Variants in OSBPL8 observed in about 807,000 individuals in gnomAD.
The protein encoded by OSBPL8 is oxysterol-binding protein-related protein 8.
Under a neutral mutation model 125.5 loss-of-function variants are expected in OSBPL8, and 59 were observed. The ratio of observed to expected loss-of-function variants is 0.47; its 90% CI spans 0.38 to 0.58. The LOEUF is 0.58. OSBPL8 is among the 20% of genes least tolerant of loss of function. The pLI is 0.00. For missense variants in OSBPL8, 758 were observed against 1,047.8 expected, an observed-to-expected ratio of 0.72 and a Z score of 3.82; for synonymous variants, 330 against 338.9, an observed-to-expected ratio of 0.97 and a Z score of 0.29.
intron 17 of OSBPL8, among the ~76,000 whole-genome samples, chr12:76,374,854 T>G (rs1326379087): frequency 6.6e-6 from 1 of 152,076 alleles, no homozygotes; most frequent in Non-Finnish European, 1.5e-5. Context: ...AGTTTTAGAG[T>G]AACTTATTAC....
intron 12 of OSBPL8, among the ~76,000 whole-genome samples, chr12:76,387,871 A>G (rs957454533): frequency 5.8e-4 from 88 of 152,304 alleles, no homozygotes; most frequent in African/African-American, 2.1e-3. Flanking sequence ...AGTCAAAGCA[A>G]TATAAAGAGG....
At chr12:76,459,722 CTTTAT>C (rs1015696496) in intron 3 of OSBPL8, 132 bp downstream of exon 3, 2 of 983,120 alleles carry the variant, frequency 2.0e-6, no homozygotes, top group Non-Finnish European at 3.0e-6. Flanking sequence ...ATATTCTTTA[CTTTAT>C]ATTTCAATTC....
intron 1 of OSBPL8, among the ~76,000 whole-genome samples, chr12:76,556,424 T>C (rs1228492330): frequency 1.3e-5 from 2 of 150,928 alleles, no homozygotes; most frequent in Non-Finnish European, 2.9e-5. Context: ...GAGAATTTTA[T>C]GACTTTGTGA....
intron 5 of OSBPL8, among the ~76,000 whole-genome samples, chr12:76,403,812 C>A (rs183031777): frequency 6.6e-6 from 1 of 152,214 alleles, no homozygotes; most frequent in South Asian, 2.1e-4. Flanking sequence ...CCTTTGTATA[C>A]AACTCCCTCA....
At chr12:76,512,395 A>G (rs551920390) in intron 1 of OSBPL8, among the ~76,000 whole-genome samples, 17 of 152,196 alleles carry the variant, frequency 1.1e-4, no homozygotes, top group South Asian at 4.2e-4. Context: ...GGTTGATTCC[A>G]TATCTTTGTT....
At chr12:76,558,778 A>G (rs1006323399) in intron 1 of OSBPL8, among the ~76,000 whole-genome samples, 2 of 152,210 alleles carry the variant, frequency 1.3e-5, no homozygotes, top group African/African-American at 4.8e-5. Flanking sequence ...ATGAACCTAA[A>G]GCATGCTGCC....
intron 2 of OSBPL8, among the ~76,000 whole-genome samples, chr12:76,471,862 C>T (rs1876177847): frequency 6.6e-6 from 1 of 152,222 alleles, no homozygotes; most frequent in Non-Finnish European, 1.5e-5. Flanking sequence ...CTTTTGCCTA[C>T]AATGCCATTC....
At chr12:76,536,755 T>A (rs1409437571) in intron 1 of OSBPL8, among the ~76,000 whole-genome samples, 1 of 149,166 alleles carries the variant, frequency 6.7e-6, no homozygotes, top group Non-Finnish European at 1.5e-5. Context: ...AAGGAGCAAG[T>A]CATATGTATG....
At chr12:76,494,804 T>C (rs1016586707) in intron 1 of OSBPL8, among the ~76,000 whole-genome samples, 2 of 152,166 alleles carry the variant, frequency 1.3e-5, no homozygotes, top group African/African-American at 4.8e-5. Flanking sequence ...CTATTTCATA[T>C]TCGTGTGGGC....
At chr12:76,489,873 G>T (rs1038456252) in intron 1 of OSBPL8, among the ~76,000 whole-genome samples, 34 of 152,326 alleles carry the variant, frequency 2.2e-4, no homozygotes, top group Non-Finnish European at 2.4e-4. Flanking sequence ...TAATGGAAAA[G>T]ATTCACCATT....
chr12:76,365,865 T>C (rs1441215064), intron 21 of OSBPL8, among the ~76,000 whole-genome samples: 5 of 152,248 alleles, frequency 3.3e-5, no homozygotes, highest in Admixed American at 6.5e-5. Flanking sequence ...CATGTGATTT[T>C]CCCCCCTCTT....
At chr12:76,514,366 T>C (rs992161391) in intron 1 of OSBPL8, among the ~76,000 whole-genome samples, 3 of 151,834 alleles carry the variant, frequency 2.0e-5, no homozygotes, top group African/African-American at 7.3e-5. Flanking sequence ...TTGGCCAGGC[T>C]GGTCTTGAAC....
At chr12:76,415,404 G>A (rs35191784) in intron 4 of OSBPL8, among the ~76,000 whole-genome samples, 1 of 151,488 alleles carries the variant, frequency 6.6e-6, no homozygotes, top group Non-Finnish European at 1.5e-5. Flanking sequence ...CATGCCACCA[G>A]GCCCAGCTAA....
chr12:76,467,653 C>T (rs1299260288), intron 2 of OSBPL8, among the ~76,000 whole-genome samples: 1 of 152,036 alleles, frequency 6.6e-6, no homozygotes, highest in Admixed American at 6.6e-5. Context: ...GCCTATTTCA[C>T]ATTCAGTCTT....
intron 1 of OSBPL8, among the ~76,000 whole-genome samples, chr12:76,516,987 T>A (rs1423111107): frequency 6.6e-6 from 1 of 152,090 alleles, no homozygotes; most frequent in African/African-American, 2.4e-5. Context: ...CTAATTTTTG[T>A]ATTTTTAGTA....
chr12:76,545,123 T>C (rs1188731052), intron 1 of OSBPL8, among the ~76,000 whole-genome samples: 2 of 152,160 alleles, frequency 1.3e-5, no homozygotes, highest in Non-Finnish European at 2.9e-5. Context: ...TTTGTGATAC[T>C]AGGTCGCATT....
intron 4 of OSBPL8, among the ~76,000 whole-genome samples, chr12:76,449,207 C>G (rs1307989243): frequency 6.6e-6 from 1 of 152,266 alleles, no homozygotes; most frequent in Middle Eastern, 3.4e-3. Context: ...TATACATTAA[C>G]TTTCAAAACA....
Position 76,351,937 on chromosome 12 carries a change from A to G in OSBPL8, c.*3952T>C, listed in dbSNP as rs1229771696. Reference sequence around the variant, plus strand: ...TAGATTAGAAATGTACTACATTACAAAACAGTGGCCTATAACTATCTGTAC... The same window carrying G: ...TAGATTAGAAATGTACTACATTACAGAACAGTGGCCTATAACTATCTGTAC... On this transcript the variant is annotated 3_prime_UTR_variant, in exon 24 of 24. Transcript: ENST00000261183. 2.0e-5 allele frequency: 3 copies of G among 152,256 alleles called. No homozygotes were observed. Among genetic ancestry groups the G allele is most frequent in the African/African-American group, 7.2e-5 (3 of 41,468 alleles). 9.4% of individuals were successfully genotyped at this position (152,256 alleles called of 1,614,324 possible).
At chr12:76,359,522 A>C (rs1025288766) in intron 21 of OSBPL8, among the ~76,000 whole-genome samples, 21 of 152,220 alleles carry the variant, frequency 1.4e-4, no homozygotes, top group African/African-American at 5.1e-4. Context: ...TATTAAACTT[A>C]AAAACCTAAA....
Sources: gnomAD v4.1 joint callset for allele counts (sites outside exome capture counted in the v4.1 genomes callset) on GRCh38, gnomAD v4.1.1 for gene constraint, MANE v1.5 for transcripts, NCBI Gene and HGNC (gene_info 2026-07-23, HGNC 2026-07-21) for gene names.